KCTD1: variants seen among roughly 807,000 people sequenced by gnomAD.
KCTD1 encodes the protein BTB/POZ domain-containing protein KCTD1.
KCTD1 carries 24 observed loss-of-function variants against 66.0 expected under a neutral mutation model. The ratio of observed to expected loss-of-function variants is 0.36; its 90% CI spans 0.26 to 0.51. KCTD1 has a LOEUF of 0.51. Among genes scored for constraint, KCTD1 ranks in the 20% least tolerant of loss-of-function variants. The pLI is 0.95. For synonymous variants in KCTD1, 511 were observed against 517.2 expected (o/e 0.99, Z 0.16); for missense variants, 943 against 1,205.2 (o/e 0.78, Z 3.22).
At chr18:26,515,513 T>TC (rs1209945439) in intron 1 of KCTD1, among the ~76,000 whole-genome samples, 6 of 148,994 alleles carry the variant, frequency 4.0e-5, no homozygotes, top group Non-Finnish European at 9.0e-5. Context: ...TTTTTTCTTT[T>TC]TTTTTTTTTT....
chr18:26,519,523 G>A (rs977848660), intron 1 of KCTD1, among the ~76,000 whole-genome samples: 8 of 152,136 alleles, frequency 5.3e-5, no homozygotes, highest in Non-Finnish European at 1.0e-4. Flanking sequence ...GACACTTAAC[G>A]TTCTGGCCTG....
Position 26,547,501 on chromosome 18 carries a change from C to G in KCTD1, c.1036G>C (p.Val346Leu), listed in dbSNP as rs753979261. The G allele has an allele frequency of 1.9e-6, 3 of 1,551,558 alleles. No homozygotes were observed. Among genetic ancestry groups the G allele is most frequent in the Non-Finnish European group, 1.7e-6 (2 of 1,146,996 alleles). ...LAMDEDGRKFVYFKSLGPYHK... is the reference protein window; with the variant it reads ...LAMDEDGRKFLYFKSLGPYHK... ...TAGGGCCCGAGGGACTTGAAGTAGA[C>G]GAACTTGCGACCGTCCTCGTCCATG... Residue 346 changes from valine to leucine, a missense_variant, in exon 1 of 5, where the codon GTC becomes CTC. Around this residue, in one of 10 missense-constraint regions of KCTD1, gnomAD observed 66 missense variants for 61.6 expected, o/e 1.07. Transcript: ENST00000580059.
intron 1 of KCTD1, among the ~76,000 whole-genome samples, chr18:26,590,344 T>C (rs183868241): frequency 1.4e-3 from 220 of 152,162 alleles, no homozygotes; most frequent in African/African-American, 5.2e-3. Context: ...CTGCCTTGGC[T>C]ACCCAAAATG....
At chr18:26,474,277 A>G (rs958885318) in intron 3 of KCTD1, among the ~76,000 whole-genome samples, 1 of 152,330 alleles carries the variant, frequency 6.6e-6, no homozygotes, top group East Asian at 1.9e-4. Flanking sequence ...TCTTTTTTAG[A>G]AAGTCCAGTT....
chr18:26,592,209 A>G (rs570838996), intron 1 of KCTD1, among the ~76,000 whole-genome samples: 6 of 152,340 alleles, frequency 3.9e-5, no homozygotes, highest in Non-Finnish European at 7.3e-5. Context: ...CCATACTTGA[A>G]AAAAATCCCT....
At chr18:26,590,463 A>T (rs1031778484) in intron 1 of KCTD1, among the ~76,000 whole-genome samples, 2 of 152,204 alleles carry the variant, frequency 1.3e-5, no homozygotes, top group Non-Finnish European at 2.9e-5. Flanking sequence ...GGCCCAAAGC[A>T]TCCTAAGCAA....
chr18:26,594,123 C>T (rs1433070349), intron 1 of KCTD1, among the ~76,000 whole-genome samples: 2 of 152,170 alleles, frequency 1.3e-5, no homozygotes, highest in Admixed American at 1.3e-4. Context: ...TTGGACAGCT[C>T]CTCTTCTGCT....
intron 3 of KCTD1, among the ~76,000 whole-genome samples, chr18:26,462,741 A>T (rs1980504052): frequency 6.6e-6 from 1 of 152,198 alleles, no homozygotes; most frequent in Admixed American, 6.5e-5. Context: ...CCCATTGGCT[A>T]CTGTCTTTAG....
At chr18:26,598,756 G>A (rs1234930423) in intron 1 of KCTD1, among the ~76,000 whole-genome samples, 1 of 152,130 alleles carries the variant, frequency 6.6e-6, no homozygotes, top group Non-Finnish European at 1.5e-5. Context: ...ATAAGATTGA[G>A]CATCTTTTTA....
In KCTD1 at chr18:26,547,104, C is replaced by T. The variant is rs1286749603; in HGVS notation, c.1433G>A (p.Gly478Asp). The change falls in exon 1 of 5, where the codon GGC becomes GAC. Residue 478 changes from glycine (G) to aspartate (D), a missense_variant. Physicochemically the swap from Gly to Asp is moderately conservative, Grantham distance 94. This residue lies in a region of KCTD1 where 197 missense variants were observed against 182.7 expected (regional missense o/e 1.08). Coordinates refer to ENST00000580059, the MANE Select transcript of KCTD1 (RefSeq NM_001142730.3). ...GTKLGSPAPQ[G>D]CYAEALNGAA... is the part of the protein sequence containing the mutation. ...CCCGTTCAGAGCCTCGGCGTAGCAG[C>T]CCTGCGGGGCGGGCGAGCCCAGCTT... 1.3e-6 allele frequency: 2 copies of T among 1,548,470 alleles called. No individual in the cohort carries two copies. The highest frequency in any genetic ancestry group is 1.7e-6 in the Non-Finnish European group (2 of 1,146,564).
At chr18:26,539,573 G>GTTTAT (rs1451402212) in intron 1 of KCTD1, among the ~76,000 whole-genome samples, 4 of 152,122 alleles carry the variant, frequency 2.6e-5, no homozygotes, top group African/African-American at 9.7e-5. Flanking sequence ...GTTTATATCA[G>GTTTAT]AACTCTCCAA....
In KCTD1 at chr18:26,468,471, A is replaced by C. The variant is rs1980868735; in HGVS notation, c.2133+8044T>G. Among the ~76,000 whole-genome samples, 2 of 152,206 alleles carry C rather than the reference A, an allele frequency of 1.3e-5. No individual in the cohort carries two copies. The highest frequency in any genetic ancestry group is 4.1e-4 in the South Asian group (2 of 4,828). ...CACCCAGTATTAAATGGCTAGGGAA[A>C]GAAGCAGGTAATCAATAAACATTCT... On this transcript the variant is annotated intron_variant, in intron 3 of 4. Transcript: ENST00000580059. The surrounding 1 kb of genome is among the most constrained non-coding windows in gnomAD (Gnocchi z 4.8).
chr18:26,598,444 G>A (rs969869354), intron 1 of KCTD1, among the ~76,000 whole-genome samples: 12 of 148,250 alleles, frequency 8.1e-5, no homozygotes, highest in African/African-American at 2.8e-4. Context: ...GCTTTTGTAT[G>A]GATATATGTT....
At chr18:26,528,919 T>A (rs1244853624) in intron 1 of KCTD1, among the ~76,000 whole-genome samples, 1 of 152,210 alleles carries the variant, frequency 6.6e-6, no homozygotes, top group African/African-American at 2.4e-5. Flanking sequence ...TTCTCTTCTG[T>A]CACTGTAATT....
intron 1 of KCTD1, among the ~76,000 whole-genome samples, chr18:26,528,055 C>A (rs1366828772): frequency 6.6e-6 from 1 of 152,024 alleles, no homozygotes; most frequent in Non-Finnish European, 1.5e-5. Flanking sequence ...AAACACCAGA[C>A]CCAGCATGTT....
chr18:26,560,681 G>A (rs1429041797), intron 1 of KCTD1, among the ~76,000 whole-genome samples: 2 of 152,216 alleles, frequency 1.3e-5, no homozygotes, highest in African/African-American at 2.4e-5. Flanking sequence ...CTGTGAACCT[G>A]CAGAAATTGT....
chr18:26,590,255 T>C (rs1053993934), intron 1 of KCTD1, among the ~76,000 whole-genome samples: 3 of 151,844 alleles, frequency 2.0e-5, no homozygotes, highest in Non-Finnish European at 2.9e-5. Flanking sequence ...GGCTCATTTT[T>C]TTTTTTTCAC....
intron 1 of KCTD1, among the ~76,000 whole-genome samples, chr18:26,625,247 T>C (rs1452435936): frequency 2.0e-5 from 3 of 152,020 alleles, no homozygotes; most frequent in African/African-American, 7.2e-5. Flanking sequence ...AAAGGCACGA[T>C]TGTGTTTTGA....
intron 1 of KCTD1, among the ~76,000 whole-genome samples, chr18:26,569,091 T>C (rs1268975624): frequency 6.6e-6 from 1 of 152,220 alleles, no homozygotes; most frequent in Non-Finnish European, 1.5e-5. Context: ...GTTAATCATA[T>C]GACCTTTGTA....
Sources: gnomAD v4.1 joint callset for allele counts (sites outside exome capture counted in the v4.1 genomes callset) on GRCh38, gnomAD v4.1.1 for gene constraint, gnomAD v4.1.1 regional missense constraint, Gnocchi (gnomAD v3.1) non-coding constraint, MANE v1.5 for transcripts, NCBI Gene and HGNC (gene_info 2026-07-23, HGNC 2026-07-21) for gene names.